Variants in ADAM19 observed in about 807,000 individuals in gnomAD.
ADAM19 encodes the protein disintegrin and metalloproteinase domain-containing protein 19.
Under a neutral mutation model 114.7 loss-of-function variants are expected in ADAM19, and 65 were observed. The observed-to-expected ratio is 0.57, with a 90% CI of 0.46 to 0.70. The LOEUF is 0.70. Among genes scored for constraint, ADAM19 ranks in the 30% least tolerant of loss-of-function variants. ADAM19 has a pLI of 0.00. For missense variants in ADAM19, 1,063 were observed against 1,204.7 expected, an observed-to-expected ratio of 0.88 and a Z score of 1.74; for synonymous variants, 466 against 460.5, an observed-to-expected ratio of 1.01 and a Z score of -0.15.
chr5:157,541,898 T>A (rs976897445), intron 3 of ADAM19, among the ~76,000 whole-genome samples: 2 of 152,236 alleles, frequency 1.3e-5, no homozygotes, highest in Non-Finnish European at 2.9e-5. Context: ...CCAGTGAAGA[T>A]AAAGTGATAA....
At chr5:157,542,935 C>G (rs1756956122) in intron 3 of ADAM19, among the ~76,000 whole-genome samples, 1 of 152,116 alleles carries the variant, frequency 6.6e-6, no homozygotes, top group Non-Finnish European at 1.5e-5. Flanking sequence ...TTAATTAGGA[C>G]AGCCCTTGTT....
At chr5:157,482,048 T>C in intron 21 of ADAM19, 105 bp from the exon 22 acceptor site, 1 of 909,742 alleles carries the variant, frequency 1.1e-6, no homozygotes, top group Non-Finnish European at 1.6e-6. Context: ...AGTTATATAC[T>C]GTATGGTCCC....
chr5:157,497,150 C>A, intron 13 of ADAM19, 61 bp from the exon 14 acceptor site: 1 of 1,389,618 alleles, frequency 7.2e-7, no homozygotes. Flanking sequence ...ACCCTGTTGC[C>A]CAAGGGCTCA....
intron 13 of ADAM19, among the ~76,000 whole-genome samples, chr5:157,498,149 C>T (rs1277078754): frequency 1.3e-5 from 2 of 152,206 alleles, no homozygotes; most frequent in Non-Finnish European, 2.9e-5. Context: ...TGCTCCTGGG[C>T]CACTCCTCCC....
In ADAM19 at chr5:157,489,940, T is replaced by C. The variant is rs532286267; in HGVS notation, c.2240+370A>G. ...AGGCGGAGGCTGCAGTGAGCCAAGA[T>C]TGCACCACTGCATTCCAGCCTGGGC... On this transcript the variant is annotated intron_variant, in intron 19 of 22. Transcript: ENST00000257527. 2.6e-5 allele frequency among the ~76,000 whole-genome samples: 4 copies of C among 152,310 alleles called. No homozygotes were observed. The South Asian group carries it at 8.3e-4, about 32-fold the overall frequency.
Position 157,489,268 on chromosome 5 carries a change from A to G in ADAM19, c.2241-82T>C, listed in dbSNP as rs936451784. On this transcript the variant is annotated intron_variant, in intron 19 of 22. Transcript: ENST00000257527. ...TGCCTGAGTTCCCTTTGACCCAAGCACGGCCAGCAAGCAGCTAAATCTTTC... is the reference window on the plus strand; with the variant it reads ...TGCCTGAGTTCCCTTTGACCCAAGCGCGGCCAGCAAGCAGCTAAATCTTTC... 5.0e-6 allele frequency: 5 copies of G among 997,868 alleles called. No individual in the cohort carries two copies. The Admixed American group carries it at 7.8e-5, about 16-fold the overall frequency. The allele number at this position is 997,868 out of a possible 1,614,324, so 61.8% of individuals were successfully genotyped here. A position where few individuals can be genotyped will look rare whatever the true frequency, so the allele number is the denominator to read the frequency against.
In ADAM19 at chr5:157,481,020, G is replaced by A. The variant is rs1754729527; in HGVS notation, c.2704-18C>T. ...TCTGGAAACTGGGAAGAAAAAGAAG[G>A]GAGGGAGAGAGACATCAGCTTGATG... On this transcript the variant is annotated intron_variant, in intron 22 of 22. Coordinates refer to ENST00000257527, the MANE Select transcript of ADAM19 (RefSeq NM_033274.5). The A allele has an allele frequency of 6.2e-7, 1 of 1,614,068 alleles. No homozygotes were observed. Among genetic ancestry groups the A allele is most frequent in the East Asian group, 2.2e-5 (1 of 44,868 alleles).
intron 4 of ADAM19, among the ~76,000 whole-genome samples, chr5:157,535,901 C>T (rs1271625534): frequency 2.6e-5 from 4 of 152,346 alleles, no homozygotes; most frequent in East Asian, 1.9e-4. Flanking sequence ...GCTGTCATGG[C>T]TAACAGCTTT....
chr5:157,568,278 G>C (rs912663415), intron 2 of ADAM19: 1 of 152,200 alleles, frequency 6.6e-6, no homozygotes, highest in East Asian at 1.9e-4. Context: ...CCCGCCAGGA[G>C]TAGTAATCTT....
intron 4 of ADAM19, among the ~76,000 whole-genome samples, chr5:157,531,193 C>T (rs1756613187): frequency 6.6e-6 from 1 of 152,198 alleles, no homozygotes; most frequent in Admixed American, 6.5e-5. Flanking sequence ...GTTCAGGGCT[C>T]TTTCAGGAAT....
intron 10 of ADAM19, among the ~76,000 whole-genome samples, 168 bp from the exon 11 acceptor site, chr5:157,505,976 A>T (rs10078178): frequency 0.42 from 63,691 of 152,088 alleles, 14,463 homozygotes; most frequent in African/African-American, 0.59. Flanking sequence ...ATCTGCTGTC[A>T]CTAGGAGGAA....
chr5:157,558,386 A>G (rs1757421345), intron 3 of ADAM19, among the ~76,000 whole-genome samples: 1 of 152,232 alleles, frequency 6.6e-6, no homozygotes, highest in African/African-American at 2.4e-5. Flanking sequence ...CATTTTGAAT[A>G]CTTTAGATCT....
chr5:157,477,683 T>TA lies in ADAM19; in HGVS notation c.*3265dup. The TA allele has an allele frequency of 7.8e-7, 1 of 1,289,772 alleles. No homozygotes were observed. The highest frequency in any genetic ancestry group is 1.0e-6 in the Non-Finnish European group (1 of 988,850). The allele number at this position is 1,289,772 out of a possible 1,614,324, so 79.9% of individuals were successfully genotyped here. A position where few individuals can be genotyped will look rare whatever the true frequency, so the allele number is the denominator to read the frequency against. ...CTGTTATACACGTGGTTAACACAATTACTGACTTTGGAACTGGTCCCCAGT... is the reference window on the plus strand; with the variant it reads ...CTGTTATACACGTGGTTAACACAATTAACTGACTTTGGAACTGGTCCCCAGT... On this transcript the variant is annotated 3_prime_UTR_variant, in exon 23 of 23. Transcript: ENST00000257527.
At chr5:157,518,415 G>A (rs1433331897) in intron 7 of ADAM19, among the ~76,000 whole-genome samples, 7 of 152,192 alleles carry the variant, frequency 4.6e-5, no homozygotes, top group African/African-American at 1.4e-4. Flanking sequence ...ACGGAGTTTC[G>A]CTCTTGTTGC....
chr5:157,562,151 A>G (rs1423904621), intron 3 of ADAM19, among the ~76,000 whole-genome samples: 1 of 152,236 alleles, frequency 6.6e-6, no homozygotes, highest in Non-Finnish European at 1.5e-5. Flanking sequence ...CACACTAGGA[A>G]GTCGTGTGCA....
intron 10 of ADAM19, 52 bp from the exon 11 acceptor site, chr5:157,505,860 GCCC>G: frequency 6.3e-7 from 1 of 1,582,110 alleles, no homozygotes; most frequent in Non-Finnish European, 8.6e-7. Flanking sequence ...ATCTGCCTCT[GCCC>G]CCCATCCCTG....
At chr5:157,539,021 CAGGTGTGGTAGCA>C (rs1756842732) in intron 3 of ADAM19, among the ~76,000 whole-genome samples, 1 of 151,814 alleles carries the variant, frequency 6.6e-6, no homozygotes, top group East Asian at 1.9e-4. Context: ...AAAAATTAGC[CAGGTGTGGTAGCA>C]GGTGCCTAGC....
intron 10 of ADAM19, 141 bp downstream of exon 10, chr5:157,506,915 A>G: frequency 2.9e-6 from 2 of 688,920 alleles, no homozygotes; most frequent in East Asian, 2.9e-5. Flanking sequence ...TAATGACTTC[A>G]TTTTAAACAA....
chr5:157,569,912 C>A (rs1379054545), intron 2 of ADAM19, among the ~76,000 whole-genome samples: 1 of 152,202 alleles, frequency 6.6e-6, no homozygotes. Flanking sequence ...TGGTTACTGG[C>A]ACACAACAAC....
Sources: allele counts gnomAD v4.1 joint callset (sites outside exome capture counted in the v4.1 genomes callset), GRCh38; gene constraint gnomAD v4.1.1; transcripts MANE v1.5; gene names NCBI Gene and HGNC (gene_info 2026-07-23, HGNC 2026-07-21).